Variants in TTLL12 observed in about 807,000 individuals in gnomAD.
The protein encoded by TTLL12 is tubulin tyrosine ligase like 12.
TTLL12 carries 77 observed loss-of-function variants against 79.6 expected under a neutral mutation model. The ratio of observed to expected loss-of-function variants is 0.97; its 90% CI spans 0.81 to 1.17. TTLL12 has a LOEUF of 1.17. TTLL12 is among the 50% of genes most tolerant of loss of function. TTLL12 has a pLI of 0.00. For missense variants in TTLL12, 969 were observed against 895.9 expected (o/e 1.08, Z -1.04); for synonymous variants, 437 against 376.1 (o/e 1.16, Z -1.87).
intron 3 of TTLL12, among the ~76,000 whole-genome samples, 172 bp downstream of exon 3, chr22:43,180,570 C>G (rs1932029935): frequency 6.6e-6 from 1 of 152,174 alleles, no homozygotes; most frequent in Non-Finnish European, 1.5e-5. Flanking sequence ...GTCCTGTGAG[C>G]TCAGAGGCCA....
Position 43,183,050 on chromosome 22 carries a change from G to C in TTLL12, c.277C>G (p.Pro93Ala). Residue 93 changes from proline (P) to alanine (A), a missense_variant, in exon 2 of 14, where the codon CCG becomes GCG. Pro to Ala is a conservative substitution (Grantham distance 27). Transcript: ENST00000216129. ...AREVRKQQPNPGNELCYKVIV... is the reference protein window; with the variant it reads ...AREVRKQQPNAGNELCYKVIV... ...ACCTTGTAGCACAGCTCGTTCCCCG[G>C]GTTGGGCTGCTGCTTCCGCACCTCC... 1 of 1,613,964 alleles carries C rather than the reference G, an allele frequency of 6.2e-7. No homozygotes were observed. The highest frequency in any genetic ancestry group is 2.2e-5 in the East Asian group (1 of 44,882).
chr22:43,169,480 G>T lies in TTLL12; in HGVS notation c.1644+20C>A. ...GGACCCGCCCCACCGGCCTGCGATG[G>T]TGTGCAGGACAGGAATTACCTGGAC... On this transcript the variant is annotated intron_variant, in intron 12 of 13. Transcript: ENST00000216129. 3 of 1,565,488 alleles carry T rather than the reference G, an allele frequency of 1.9e-6. No homozygotes were observed. The highest frequency in any genetic ancestry group is 2.4e-5 in the South Asian group (2 of 83,838).
intron 6 of TTLL12, 124 bp downstream of exon 6, chr22:43,176,196 G>A: frequency 1.4e-6 from 1 of 717,686 alleles, no homozygotes; most frequent in Non-Finnish European, 2.5e-6. Context: ...TGCCCAGACA[G>A]GATGCGGCTG....
chr22:43,184,449 G>A (rs1475133199), intron 1 of TTLL12, among the ~76,000 whole-genome samples: 1 of 152,256 alleles, frequency 6.6e-6, no homozygotes, highest in African/African-American at 2.4e-5. Context: ...CATAACCAGA[G>A]GCCAGCTTTG....
chr22:43,174,597 C>T lies in TTLL12; in HGVS notation c.936G>A (p.Gln312=), dbSNP rs1384776658. ...GHIFKVYTDV[Q]QVASSLTHPR... is the part of the protein sequence containing the mutation. Reference sequence around the variant, plus strand: ...GGTGGGTGAGGCTGCTGGCCACCTGCTGCACGTCCGTGTAGACCCTGTGGG... The same window carrying T: ...GGTGGGTGAGGCTGCTGGCCACCTGTTGCACGTCCGTGTAGACCCTGTGGG... The change falls in exon 7 of 14, where the codon CAG becomes CAA. Residue 312 remains glutamine (Q), a synonymous_variant. Transcript: ENST00000216129. The T allele has an allele frequency of 6.2e-7, 1 of 1,611,798 alleles. No homozygotes were observed. Among genetic ancestry groups the T allele is most frequent in the East Asian group, 2.2e-5 (1 of 44,848 alleles).
At chr22:43,181,814 G>A (rs572193238) in intron 2 of TTLL12, among the ~76,000 whole-genome samples, 22 of 152,356 alleles carry the variant, frequency 1.4e-4, no homozygotes, top group Admixed American at 1.2e-3. Flanking sequence ...TTGTTGGCCT[G>A]TCCTAAAATA....
chr22:43,169,945 GC>G (rs1347324013), intron 11 of TTLL12: 5 of 453,768 alleles, frequency 1.1e-5, no homozygotes, highest in African/African-American at 2.0e-5. Flanking sequence ...TCAGTACAGT[GC>G]GAAGGAGGCA....
chr22:43,177,316 C>T, intron 5 of TTLL12, among the ~76,000 whole-genome samples: 1 of 152,052 alleles, frequency 6.6e-6, no homozygotes, highest in East Asian at 1.9e-4. Context: ...TGGCAGTTAG[C>T]TAGGATCATG....
chr22:43,171,936 G>A (rs559144156), intron 10 of TTLL12, 36 bp from the exon 11 acceptor site: 2 of 1,593,740 alleles, frequency 1.3e-6, no homozygotes, highest in East Asian at 4.5e-5. Flanking sequence ...ATGGGTTCTT[G>A]AGCGGCCTTG....
Position 43,173,707 on chromosome 22 carries a change from G to A in TTLL12, c.1341+8C>T, listed in dbSNP as rs772094404. On this transcript the variant is annotated splice_region_variant and intron_variant, in intron 9 of 13. Coordinates refer to ENST00000216129, the MANE Select transcript of TTLL12 (RefSeq NM_015140.4). Reference sequence around the variant, plus strand: ...TGAGCCCTGGGGCTCCTGGTCTGCGGGGCCCACCTTGGGGGTGCTCTCTCG... The same window carrying A: ...TGAGCCCTGGGGCTCCTGGTCTGCGAGGCCCACCTTGGGGGTGCTCTCTCG... 1 of 1,600,016 alleles carries A rather than the reference G, an allele frequency of 6.2e-7. No individual in the cohort carries two copies. The highest frequency in any genetic ancestry group is 1.7e-5 in the Admixed American group (1 of 59,650).
intron 5 of TTLL12, among the ~76,000 whole-genome samples, chr22:43,178,338 T>C (rs1931966985): frequency 2.0e-5 from 3 of 151,342 alleles, no homozygotes; most frequent in Non-Finnish European, 4.4e-5. Context: ...TTTTTTTTTT[T>C]TGAGACGGAG....
intron 5 of TTLL12, among the ~76,000 whole-genome samples, chr22:43,179,090 C>T (rs7284936): frequency 0.04 from 6,045 of 152,248 alleles, 140 homozygotes; most frequent in Admixed American, 0.063. Flanking sequence ...CTCCCTAACC[C>T]GCCAGCCTCC....
rs1932093150 is a variant in TTLL12 at position 43,182,898 on chromosome 22, G to A, written c.347+82C>T. 2.6e-6 allele frequency: 4 copies of A among 1,519,616 alleles called. No homozygotes were observed. In the South Asian group the frequency reaches 5.0e-5, roughly 19 times the overall value. 94.1% of individuals were successfully genotyped at this position (1,519,616 alleles called of 1,614,324 possible). ...AAGGAAGATGTCCAGCGGCGGTGCA[G>A]GGCCCAGGAGAATCTGCATTACTGC... On this transcript the variant is annotated intron_variant, in intron 2 of 13. Coordinates refer to ENST00000216129, the MANE Select transcript of TTLL12 (RefSeq NM_015140.4).
At position 43,187,114 on chromosome 22, in the gene TTLL12, C is replaced by T; in HGVS notation, c.-45G>A. 9.4e-7 allele frequency: 1 copy of T among 1,063,950 alleles called. No individual in the cohort carries two copies. Among genetic ancestry groups the T allele is most frequent in the Non-Finnish European group, 1.1e-6 (1 of 884,086 alleles). The allele number at this position is 1,063,950 out of a possible 1,614,324, so 65.9% of individuals were successfully genotyped here. A position where few individuals can be genotyped will look rare whatever the true frequency, so the allele number is the denominator to read the frequency against. On this transcript the variant is annotated 5_prime_UTR_variant, in exon 1 of 14. Coordinates refer to ENST00000216129, the MANE Select transcript of TTLL12 (RefSeq NM_015140.4). The stretch of plus-strand genomic sequence containing the variant: ...ACTCCAGCGCCGCCACCGCCGCCGC[C>T]GCCCGCCGTCCGTCGGCCCTGCCCT...
Position 43,169,467 on chromosome 22 carries a change from C to T in TTLL12, c.1644+33G>A, listed in dbSNP as rs116258923. 1,960 of 1,543,432 alleles carry T rather than the reference C, an allele frequency of 1.3e-3. 23 individuals are homozygous for T. In the African/African-American group the frequency reaches 0.024, roughly 19 times the overall value. ...GGCCCCCAGCCCGGGACCCGCCCCA[C>T]CGGCCTGCGATGGTGTGCAGGACAG... On this transcript the variant is annotated intron_variant, in intron 12 of 13. Transcript: ENST00000216129.
At position 43,183,052 on chromosome 22, in the gene TTLL12, T is replaced by C. The variant is rs757072189; in HGVS notation, c.275A>G (p.Asn92Ser). The C allele has an allele frequency of 5.6e-6, 9 of 1,613,820 alleles. No individual in the cohort carries two copies. Among genetic ancestry groups the C allele is most frequent in the African/African-American group, 5.3e-5 (4 of 74,906 alleles). The change falls in exon 2 of 14, where the codon AAC becomes AGC. Residue 92 changes from asparagine to serine, a missense_variant. By Grantham distance (46) the Asn-to-Ser change is conservative. Transcript: ENST00000216129. ...AAREVRKQQP[N>S]PGNELCYKVI... ...CTTGTAGCACAGCTCGTTCCCCGGGTTGGGCTGCTGCTTCCGCACCTCCCG... is the reference window on the plus strand; with the variant it reads ...CTTGTAGCACAGCTCGTTCCCCGGGCTGGGCTGCTGCTTCCGCACCTCCCG...
intron 1 of TTLL12, chr22:43,185,878 G>A (rs1368912550): frequency 1.2e-6 from 1 of 833,852 alleles, no homozygotes. Context: ...CCTGGGACCA[G>A]AGTGGTCCTC....
intron 1 of TTLL12, among the ~76,000 whole-genome samples, chr22:43,185,296 TATATG>T (rs1211045882): frequency 8.9e-6 from 1 of 112,948 alleles, no homozygotes; most frequent in Non-Finnish European, 1.9e-5. Flanking sequence ...TATATATATA[TATATG>T]TATGTATCTT....
chr22:43,187,042 G>C lies in TTLL12; in HGVS notation c.28C>G (p.Arg10Gly), dbSNP rs1247020745. Residue 10 changes from arginine (R) to glycine (G), a missense_variant, in exon 1 of 14, where the codon CGG (arginine) becomes GGG (glycine). Arg to Gly is a moderately radical substitution (Grantham distance 125). Coordinates refer to ENST00000216129, the MANE Select transcript of TTLL12 (RefSeq NM_015140.4). Reference sequence around the variant, plus strand: ...CCCGGGCTGCTACGCTCCGCAGGCCGGCGCTCGGGACCCCGCTCGGCCTCC... The same window carrying C: ...CCCGGGCTGCTACGCTCCGCAGGCCCGCGCTCGGGACCCCGCTCGGCCTCC... Reference protein sequence around the residue: MEAERGPERRPAERSSPGQT... With the variant: MEAERGPERGPAERSSPGQT... The C allele has an allele frequency of 4.2e-6, 5 of 1,199,164 alleles. No homozygotes were observed. In the South Asian group the frequency reaches 1.1e-4, roughly 26 times the overall value. The allele number at this position is 1,199,164 out of a possible 1,614,324, so 74.3% of individuals were successfully genotyped here.
Sources: allele counts gnomAD v4.1 joint callset (sites outside exome capture counted in the v4.1 genomes callset), GRCh38; gene constraint gnomAD v4.1.1; transcripts MANE v1.5; gene names NCBI Gene and HGNC (gene_info 2026-07-23, HGNC 2026-07-21).